RUNX1: variants seen among roughly 807,000 people sequenced by gnomAD.
RUNX1 encodes RUNX family transcription factor 1, also known as runt-related transcription factor 1.
A neutral mutation model predicts 42.8 loss-of-function variants in RUNX1; 19 were observed. The observed-to-expected ratio is 0.44, with a 90% CI of 0.31 to 0.65. The LOEUF is 0.65. Ranked by LOEUF, RUNX1 falls within the 30% of genes least tolerant of loss-of-function variation. The pLI is 0.07. For missense variants in RUNX1, 528 were observed against 672.0 expected (o/e 0.79, Z 2.37); for synonymous variants, 271 against 289.4 (o/e 0.94, Z 0.64).
chr21:34,866,868 T>C (rs1296812398), intron 5 of RUNX1, among the ~76,000 whole-genome samples: 1 of 152,220 alleles, frequency 6.6e-6, no homozygotes, highest in Non-Finnish European at 1.5e-5. Context: ...GCACCAGGAC[T>C]ACCCTCAAAA....
intron 2 of RUNX1, among the ~76,000 whole-genome samples, chr21:35,047,678 G>A (rs539923342): frequency 2.1e-4 from 32 of 151,464 alleles, no homozygotes; most frequent in East Asian, 7.8e-4. Flanking sequence ...TAAAGTGGCC[G>A]GCAAGCCCTC....
chr21:34,958,511 C>T (rs2058661327), intron 2 of RUNX1, among the ~76,000 whole-genome samples: 1 of 152,182 alleles, frequency 6.6e-6, no homozygotes, highest in Non-Finnish European at 1.5e-5. Context: ...TACCATCTCA[C>T]ACCAGTTAGA....
At chr21:34,932,123 T>C (rs1167912647) in intron 2 of RUNX1, among the ~76,000 whole-genome samples, 2 of 152,228 alleles carry the variant, frequency 1.3e-5, no homozygotes, top group African/African-American at 2.4e-5. Flanking sequence ...TTTTGGATGA[T>C]TGAGAGGGTG....
intron 2 of RUNX1, among the ~76,000 whole-genome samples, chr21:34,905,549 A>G (rs1424949571): frequency 6.6e-6 from 1 of 152,254 alleles, no homozygotes; most frequent in Admixed American, 6.5e-5. Context: ...TGAAGATATG[A>G]CACTGCCTTA....
chr21:34,888,840 G>A (rs1393798203), intron 3 of RUNX1: 4 of 310,670 alleles, frequency 1.3e-5, no homozygotes, highest in Non-Finnish European at 1.9e-5. Context: ...GCCGGCTCCT[G>A]GAATTGGCCC....
intron 3 of RUNX1, 162 bp from the exon 4 acceptor site, chr21:34,887,258 T>TGG: frequency 3.8e-6 from 1 of 261,170 alleles, no homozygotes; most frequent in Non-Finnish European, 4.9e-6. Context: ...GGGGCGGGGG[T>TGG]GGTTAGGGGA....
At chr21:34,815,383 G>A (rs2056811397) in intron 7 of RUNX1, among the ~76,000 whole-genome samples, 1 of 152,206 alleles carries the variant, frequency 6.6e-6, no homozygotes, top group Admixed American at 6.5e-5. Flanking sequence ...AAGGTTCCTT[G>A]GCTTTTGTAG....
intron 2 of RUNX1, among the ~76,000 whole-genome samples, chr21:34,983,992 C>T (rs1477116172): frequency 6.6e-6 from 1 of 152,108 alleles, no homozygotes; most frequent in East Asian, 1.9e-4. Context: ...CCTCAAGGTT[C>T]CTCAGAGGGG....
At chr21:34,914,959 T>C (rs1188364843) in intron 2 of RUNX1, among the ~76,000 whole-genome samples, 2 of 152,210 alleles carry the variant, frequency 1.3e-5, no homozygotes, top group Non-Finnish European at 2.9e-5. Context: ...TGATGCACAG[T>C]GAGCTGAGGC....
chr21:34,968,116 T>C (rs1258872666), intron 2 of RUNX1, among the ~76,000 whole-genome samples: 1 of 152,208 alleles, frequency 6.6e-6, no homozygotes, highest in Non-Finnish European at 1.5e-5. Context: ...TGCAGAGTTG[T>C]TTAGATCCAG....
intron 7 of RUNX1, 142 bp downstream of exon 7, chr21:34,834,268 T>G (rs1271881968): frequency 1.2e-6 from 1 of 832,912 alleles, no homozygotes; most frequent in Non-Finnish European, 2.0e-6. Context: ...AGCTCCCAGG[T>G]GGTGCTGTTG....
At chr21:34,865,929 C>G (rs893895658) in intron 5 of RUNX1, among the ~76,000 whole-genome samples, 1 of 152,224 alleles carries the variant, frequency 6.6e-6, no homozygotes, top group African/African-American at 2.4e-5. Context: ...CAGGCCACAT[C>G]AGAGCAGAAT....
intron 2 of RUNX1, among the ~76,000 whole-genome samples, chr21:34,914,860 A>T (rs1233690684): frequency 6.6e-6 from 1 of 152,088 alleles, no homozygotes; most frequent in Admixed American, 6.5e-5. Flanking sequence ...TTGATTTGGA[A>T]CTCAAGAGGG....
At chr21:34,976,976 C>G (rs1353805795) in intron 2 of RUNX1, among the ~76,000 whole-genome samples, 1 of 152,124 alleles carries the variant, frequency 6.6e-6, no homozygotes, top group African/African-American at 2.4e-5. Flanking sequence ...TTACCTCACT[C>G]AAACGGGGAA....
Position 35,049,107 on chromosome 21 carries a change from T to G in RUNX1, c.-60+61A>C, listed in dbSNP as rs893069741. 3 of 548,742 alleles carry G rather than the reference T, an allele frequency of 5.5e-6. No individual in the cohort carries two copies. The Admixed American group carries it at 9.5e-5, about 17-fold the overall frequency. 34.0% of individuals were successfully genotyped at this position (548,742 alleles called of 1,614,324 possible). Reference sequence around the variant, plus strand: ...TTTGTAAAAACAAATATTCAAATTGTTAAAGATTAAAAAAAAAAAAAAAGC... The same window carrying G: ...TTTGTAAAAACAAATATTCAAATTGGTAAAGATTAAAAAAAAAAAAAAAGC... On this transcript the variant is annotated intron_variant, in intron 1 of 8. Coordinates refer to ENST00000675419, the MANE Select transcript of RUNX1 (RefSeq NM_001754.5).
Position 34,972,879 on chromosome 21 carries a change from C to T in RUNX1, c.58+75963G>A, listed in dbSNP as rs150231287. Among the ~76,000 whole-genome samples the T allele has an allele frequency of 5.8e-4, 88 of 152,254 alleles. 1 individual carries two copies. Among genetic ancestry groups the T allele is most frequent in the African/African-American group, 2.0e-3 (85 of 41,546 alleles). ...GCCTGATGCTCCCTTTGACTTTTCT[C>T]CCTCAACATCTTGCTCTGGGTGAGA... is the stretch of plus-strand genomic sequence containing the variant. On this transcript the variant is annotated intron_variant, in intron 2 of 8. Coordinates refer to ENST00000675419, the MANE Select transcript of RUNX1 (RefSeq NM_001754.5).
At chr21:34,918,836 A>G (rs13051176) in intron 2 of RUNX1, among the ~76,000 whole-genome samples, 119,388 of 152,178 alleles carry the variant, frequency 0.78, 48,824 homozygotes, top group South Asian at 0.93. Context: ...AACCCAGCAG[A>G]TGGAGGTTGC....
intron 8 of RUNX1, chr21:34,798,180 T>C (rs2056557281): frequency 2.2e-6 from 1 of 454,510 alleles, no homozygotes; most frequent in East Asian, 7.0e-5. Flanking sequence ...TATAATTTGA[T>C]CCCAAGAGCT....
intron 3 of RUNX1, 93 bp downstream of exon 3, chr21:34,892,832 A>C (rs1390594234): frequency 1.3e-6 from 1 of 769,848 alleles, no homozygotes; most frequent in Non-Finnish European, 2.2e-6. Flanking sequence ...ATTATATCAC[A>C]AGTTATACAT....
Sources: allele counts gnomAD v4.1 joint callset (sites outside exome capture counted in the v4.1 genomes callset), GRCh38; gene constraint gnomAD v4.1.1; transcripts MANE v1.5; gene names NCBI Gene and HGNC (gene_info 2026-07-23, HGNC 2026-07-21).